The following SIRPB1 variants were observed in gnomAD, a reference collection of about 807,000 sequenced individuals.
The protein encoded by SIRPB1 is signal-regulatory protein beta-1.
Under a neutral mutation model 34.1 loss-of-function variants are expected in SIRPB1, and 28 were observed. The ratio of observed to expected loss-of-function variants is 0.82; its 90% CI spans 0.61 to 1.12. The LOEUF is 1.12. Ranked by LOEUF, SIRPB1 falls within the 50% of genes most tolerant of loss-of-function variation. The pLI is 0.00. For missense variants in SIRPB1, 499 were observed against 507.0 expected (o/e 0.98, Z 0.15); for synonymous variants, 211 against 203.8 (o/e 1.04, Z -0.30).
At chr20:1,571,245 G>C (rs890587967) in intron 3 of SIRPB1, 108 bp from the exon 4 acceptor site, 2 of 1,155,316 alleles carry the variant, frequency 1.7e-6, no homozygotes, top group African/African-American at 3.1e-5. Context: ...CCAGGACAGT[G>C]CTAGGCAGGC....
chr20:1,584,624 A>T (rs2091415279), intron 1 of SIRPB1, among the ~76,000 whole-genome samples: 1 of 49,230 alleles, frequency 2.0e-5, no homozygotes, highest in Admixed American at 1.4e-4. Context: ...AAAACAAATA[A>T]CAGAAAGATA....
chr20:1,606,676 G>A lies in SIRPB1; in HGVS notation c.76+13193C>T, dbSNP rs2091513371. Among the ~76,000 whole-genome samples, 2 of 44,564 alleles carry A rather than the reference G, an allele frequency of 4.5e-5. 1 individual carries two copies. The highest frequency in any genetic ancestry group is 8.2e-5 in the Non-Finnish European group (2 of 24,494). The allele number at this position is 44,564 out of a possible 152,430, so 29.2% of individuals were successfully genotyped here. On this transcript the variant is annotated intron_variant, in intron 1 of 5. Coordinates refer to ENST00000381605, the MANE Select transcript of SIRPB1 (RefSeq NM_006065.5). The stretch of plus-strand genomic sequence containing the variant: ...TGTCTTCAGTTCCGATTTTTTGAGG[G>A]CTTCTTGGCAGCCTGATGCTGGCTG...
At chr20:1,607,983 CT>C (rs2091522954) in intron 1 of SIRPB1, among the ~76,000 whole-genome samples, 1 of 52,284 alleles carries the variant, frequency 1.9e-5, no homozygotes, top group African/African-American at 9.0e-5. Context: ...ATTAGGGGCT[CT>C]GTGCACATCC....
chr20:1,584,051 A>G lies in SIRPB1; in HGVS notation c.77-5357T>C, dbSNP rs2091412767. Among the ~76,000 whole-genome samples the G allele has an allele frequency of 4.1e-5, 2 of 48,818 alleles. 1 individual carries two copies. The highest frequency in any genetic ancestry group is 7.9e-5 in the Non-Finnish European group (2 of 25,346). The allele number at this position is 48,818 out of a possible 152,430, so 32.0% of individuals were successfully genotyped here. ...ACCTTACAACACAGGCAAAGAAAGC[A>G]TTTGACAATATTTAACATTTTTTAA... On this transcript the variant is annotated intron_variant, in intron 1 of 5. Transcript: ENST00000381605.
rs1344772784 is a variant in SIRPB1, at chr20:1,588,524, C to T, written c.77-9830G>A. The T allele has an allele frequency of 5.3e-6, 3 of 566,142 alleles. 1 individual carries two copies. The highest frequency in any genetic ancestry group is 7.0e-6 in the Non-Finnish European group (3 of 430,848). The allele number at this position is 566,142 out of a possible 1,614,324, so 35.1% of individuals were successfully genotyped here. ...CAGGGACAGGATATAGCCCTGCCAG[C>T]GGAGAGAAAGGGTTCTAGCCCAAGG... On this transcript the variant is annotated intron_variant, in intron 1 of 5. Transcript: ENST00000381605.
At position 1,563,626 on chromosome 20, in the gene SIRPB1, C is replaced by A. The variant is rs2091096531; in HGVS notation, c.*1874G>T. 6.6e-6 allele frequency: 1 copy of A among 152,182 alleles called. No individual in the cohort carries two copies. Among genetic ancestry groups the A allele is most frequent in the African/African-American group, 2.4e-5 (1 of 41,450 alleles). The allele number at this position is 152,182 out of a possible 1,614,324, so 9.4% of individuals were successfully genotyped here. A position where few individuals can be genotyped will look rare whatever the true frequency, so the allele number is the denominator to read the frequency against. On this transcript the variant is annotated 3_prime_UTR_variant, in exon 6 of 6. Coordinates refer to ENST00000381605, the MANE Select transcript of SIRPB1 (RefSeq NM_006065.5). ...AATAAAAGAGGTTTAATTGGACTCA[C>A]AGTTCCACAGGCTTAACAGGAAGCA...
In SIRPB1 at chr20:1,581,941, C is replaced by T. The variant is rs1193058240; in HGVS notation, c.77-3247G>A. Reference sequence around the variant, plus strand: ...AATGACATCCACCTTTCTCCAAGAGCACAAGATGATATAACATTGGTAACA... The same window carrying T: ...AATGACATCCACCTTTCTCCAAGAGTACAAGATGATATAACATTGGTAACA... On this transcript the variant is annotated intron_variant, in intron 1 of 5. Coordinates refer to ENST00000381605, the MANE Select transcript of SIRPB1 (RefSeq NM_006065.5). Among the ~76,000 whole-genome samples the T allele has an allele frequency of 4.1e-5, 2 of 48,538 alleles. 1 individual carries two copies. The highest frequency in any genetic ancestry group is 7.9e-5 in the Non-Finnish European group (2 of 25,298). 31.8% of individuals were successfully genotyped at this position (48,538 alleles called of 152,430 possible).
rs190691374 is a variant in SIRPB1, at chr20:1,566,059, G to A, written c.*2+94C>T. On this transcript the variant is annotated intron_variant, in intron 5 of 5. Coordinates refer to ENST00000381605, the MANE Select transcript of SIRPB1 (RefSeq NM_006065.5). ...CCTGTCACCTTCTGTAAACTCCACT[G>A]ACCCTGAAGCTGCATGGCATGTGAG... 472 of 751,698 alleles carry A rather than the reference G, an allele frequency of 6.3e-4. 4 individuals are homozygous for A. Among genetic ancestry groups the A allele is most frequent in the Middle Eastern group, 2.8e-3 (12 of 4,236 alleles). 46.6% of individuals were successfully genotyped at this position (751,698 alleles called of 1,614,324 possible). A position where few individuals can be genotyped will look rare whatever the true frequency, so the allele number is the denominator to read the frequency against.
chr20:1,578,232 G>C (rs2091345406), intron 2 of SIRPB1, 106 bp downstream of exon 2: 8 of 1,240,698 alleles, frequency 6.4e-6, no homozygotes, highest in Non-Finnish European at 9.3e-6. Flanking sequence ...TGAAAGGGTG[G>C]CTGCTCAGCC....
rs2122353178 is a variant in SIRPB1, at chr20:1,620,007, T to C, written c.-63A>G. The C allele has an allele frequency of 3.4e-6, 5 of 1,489,412 alleles. No individual in the cohort carries two copies. Among genetic ancestry groups the C allele is most frequent in the Non-Finnish European group, 3.6e-6 (4 of 1,100,638 alleles). The allele number at this position is 1,489,412 out of a possible 1,614,324, so 92.3% of individuals were successfully genotyped here. A position where few individuals can be genotyped will look rare whatever the true frequency, so the allele number is the denominator to read the frequency against. ...GTGCTGGGAAGATCGCAGACTCTGCTCTGAGGAGAGAAGACAAGCCCTGCC... is the reference window on the plus strand; with the variant it reads ...GTGCTGGGAAGATCGCAGACTCTGCCCTGAGGAGAGAAGACAAGCCCTGCC... On this transcript the variant is annotated 5_prime_UTR_variant, in exon 1 of 6. Transcript: ENST00000381605.
rs1469133869 is a variant in SIRPB1 at position 1,562,857 on chromosome 20, T to C, written c.*2643A>G. On this transcript the variant is annotated 3_prime_UTR_variant, in exon 6 of 6. Transcript: ENST00000381605. ...TGAAAGAGGAATTTTGCAACCAAGA[T>C]GAAAGTGCAGTGAAGAAATGAGAAG... Among the ~76,000 whole-genome samples, 1 of 152,126 alleles carries C rather than the reference T, an allele frequency of 6.6e-6. No homozygotes were observed. Among genetic ancestry groups the C allele is most frequent in the Non-Finnish European group, 1.5e-5 (1 of 68,024 alleles).
Position 1,566,164 on chromosome 20 carries a change from C to T in SIRPB1, c.1188G>A (p.Gln396=), listed in dbSNP as rs2122160191. ...GVSAIYICWK[Q]KA is the part of the protein sequence containing the mutation. Reference sequence around the variant, plus strand: ...TCTCCTAAACTTACAGTCAGGCCTTCTGTTTCCAGCAGATGTAGATGGCAG... The same window carrying T: ...TCTCCTAAACTTACAGTCAGGCCTTTTGTTTCCAGCAGATGTAGATGGCAG... The change falls in exon 5 of 6, where the codon CAG becomes CAA. Residue 396 remains glutamine, a synonymous_variant. Coordinates refer to ENST00000381605, the MANE Select transcript of SIRPB1 (RefSeq NM_006065.5). The T allele has an allele frequency of 6.2e-7, 1 of 1,606,110 alleles. No individual in the cohort carries two copies. The highest frequency in any genetic ancestry group is 1.1e-5 in the South Asian group (1 of 89,534).
At chr20:1,572,136 T>A (rs2091251133) in intron 2 of SIRPB1, 99 bp from the exon 3 acceptor site, 1 of 1,557,274 alleles carries the variant, frequency 6.4e-7, no homozygotes, top group African/African-American at 1.4e-5. Context: ...CGTTAGTTTT[T>A]AATCTTTCTA....
At chr20:1,579,902 A>G (rs1348148418) in intron 1 of SIRPB1, among the ~76,000 whole-genome samples, 1 of 148,118 alleles carries the variant, frequency 6.8e-6, no homozygotes, top group African/African-American at 2.5e-5. Flanking sequence ...AGTCTGAGGA[A>G]GAAGTCCAGA....
rs767346626 is a variant in SIRPB1, at chr20:1,619,112, C to A, written c.76+757G>T. 4.0e-4 allele frequency among the ~76,000 whole-genome samples: 61 copies of A among 152,112 alleles called. 1 individual carries two copies. Among genetic ancestry groups the A allele is most frequent in the Admixed American group, 1.5e-3 (23 of 15,272 alleles). ...CAGAGAGAAAATGGCCCTGTATAAGCCAAGGAGAGAGACTTCAGTAGAAAC... is the reference window on the plus strand; with the variant it reads ...CAGAGAGAAAATGGCCCTGTATAAGACAAGGAGAGAGACTTCAGTAGAAAC... On this transcript the variant is annotated intron_variant, in intron 1 of 5. Coordinates refer to ENST00000381605, the MANE Select transcript of SIRPB1 (RefSeq NM_006065.5).
chr20:1,568,608 G>A (rs1404044999), intron 4 of SIRPB1, among the ~76,000 whole-genome samples: 1 of 152,132 alleles, frequency 6.6e-6, no homozygotes, highest in African/African-American at 2.4e-5. Context: ...GTGGAAGAGC[G>A]AGGTAAGAAC....
chr20:1,579,896 T>G (rs1568693000), intron 1 of SIRPB1, among the ~76,000 whole-genome samples: 1 of 147,958 alleles, frequency 6.8e-6, no homozygotes, highest in Non-Finnish European at 1.5e-5. Flanking sequence ...GTGATAAGTC[T>G]GAGGAAGAAG....
At position 1,619,883 on chromosome 20, in the gene SIRPB1, A is replaced by G; in HGVS notation, c.62T>C (p.Leu21Pro). ...PSPFLLMTLL[L>P]GRLTGVAGED... ...GCAGTGCTCACCTGTGAGTCTCCCC[A>G]GCAGTAGCGTCATCAGCAGGAAAGG... is the stretch of plus-strand genomic sequence containing the variant. The change falls in exon 1 of 6, where the codon CTG (leucine) becomes CCG (proline). Residue 21 changes from leucine (L) to proline (P), a missense_variant. Coordinates refer to ENST00000381605, the MANE Select transcript of SIRPB1 (RefSeq NM_006065.5). 6.2e-7 allele frequency: 1 copy of G among 1,613,496 alleles called. No individual in the cohort carries two copies. The highest frequency in any genetic ancestry group is 1.7e-4 in the Middle Eastern group (1 of 6,058).
intron 1 of SIRPB1, chr20:1,611,415 T>C: frequency 1.0e-6 from 1 of 973,880 alleles, no homozygotes; most frequent in Admixed American, 2.4e-5. Flanking sequence ...CGGGGCTCCC[T>C]TTCCGGAACT....
Sources: gnomAD v4.1 joint callset for allele counts (sites outside exome capture counted in the v4.1 genomes callset) on GRCh38, gnomAD v4.1.1 for gene constraint, MANE v1.5 for transcripts, NCBI Gene and HGNC (gene_info 2026-07-23, HGNC 2026-07-21) for gene names.